MSH5: variants seen among roughly 807,000 people sequenced by gnomAD.
MSH5 encodes mutS homolog 5.
Under a neutral mutation model 107.7 loss-of-function variants are expected in MSH5, and 78 were observed. The observed-to-expected ratio is 0.72, with a 90% CI of 0.60 to 0.87. MSH5 has a LOEUF of 0.87. MSH5 is among the 40% of genes least tolerant of loss of function. MSH5 has a pLI of 0.00. For missense variants in MSH5, 889 were observed against 1,046.6 expected (o/e 0.85, Z 2.08); for synonymous variants, 326 against 399.5 (o/e 0.82, Z 2.19).
intron 12 of MSH5, among the ~76,000 whole-genome samples, chr6:31,755,081 T>C: frequency 6.6e-6 from 1 of 152,140 alleles, no homozygotes; most frequent in East Asian, 1.9e-4. Context: ...TAAAAGAAAA[T>C]TATTTTTTAA....
At position 31,753,362 on chromosome 6, in the gene MSH5, C is replaced by G. The variant is rs1810138441; in HGVS notation, c.874C>G (p.Gln292Glu). The stretch of plus-strand genomic sequence containing the variant: ...GCTCAGTTCTCGTCTGGACGTCATT[C>G]AGTTTTTTCTGCTGCCCCAGAATCT... The part of the protein sequence containing the change: ...GELSSRLDVI[Q>E]FFLLPQNLDM... Residue 292 changes from glutamine to glutamate, a missense_variant, in exon 11 of 25, where the codon CAG becomes GAG. Coordinates refer to ENST00000375750, the MANE Select transcript of MSH5 (RefSeq NM_172166.4). 1.9e-6 allele frequency: 3 copies of G among 1,614,158 alleles called. No individual in the cohort carries two copies. The highest frequency in any genetic ancestry group is 1.7e-6 in the Non-Finnish European group (2 of 1,180,036).
At chr6:31,741,528 GC>G (rs1247189657) in intron 3 of MSH5, among the ~76,000 whole-genome samples, 2 of 152,068 alleles carry the variant, frequency 1.3e-5, no homozygotes, top group African/African-American at 4.8e-5. Flanking sequence ...ACAGGCGTGT[GC>G]CACCACACCC....
chr6:31,761,127 G>A lies in MSH5; in HGVS notation c.1963-61G>A. The A allele has an allele frequency of 1.3e-6, 2 of 1,518,530 alleles. No individual in the cohort carries two copies. The highest frequency in any genetic ancestry group is 1.8e-6 in the Non-Finnish European group (2 of 1,104,670). The allele number at this position is 1,518,530 out of a possible 1,614,324, so 94.1% of individuals were successfully genotyped here. On this transcript the variant is annotated intron_variant, in intron 20 of 24. Coordinates refer to ENST00000375750, the MANE Select transcript of MSH5 (RefSeq NM_172166.4). This position sits in a 1 kb window ranked among gnomAD's most constrained non-coding sequence, Gnocchi z 5.3. The stretch of plus-strand genomic sequence containing the variant: ...ATACAGCTTTATTCACAGGCCAACT[G>A]TGGTCAGTGCGTTACGGGCTTCCAA...
chr6:31,740,359 G>A lies in MSH5; in HGVS notation c.-13-95G>A. The A allele has an allele frequency of 7.5e-7, 1 of 1,334,172 alleles. No homozygotes were observed. The highest frequency in any genetic ancestry group is 1.0e-6 in the Non-Finnish European group (1 of 983,170). The allele number at this position is 1,334,172 out of a possible 1,614,324, so 82.6% of individuals were successfully genotyped here. ...AGCCCTGCCCCGCAGCCCTGTAGCA[G>A]AAGTACTTAGTGCTTTGCATTCTGC... On this transcript the variant is annotated intron_variant, in intron 1 of 24. Coordinates refer to ENST00000375750, the MANE Select transcript of MSH5 (RefSeq NM_172166.4). This position sits in a 1 kb window ranked among gnomAD's most constrained non-coding sequence, Gnocchi z 4.4.
At chr6:31,755,846 C>A (rs758375660) in intron 12 of MSH5, among the ~76,000 whole-genome samples, 1 of 152,042 alleles carries the variant, frequency 6.6e-6, no homozygotes, top group Non-Finnish European at 1.5e-5. Context: ...TCTATCTTTT[C>A]TCTCTTGTTC....
rs759586357 is a variant in MSH5, at chr6:31,759,829, G to A, written c.1539G>A (p.Leu513=). The A allele has an allele frequency of 1.9e-6, 3 of 1,613,904 alleles. No individual in the cohort carries two copies. Among genetic ancestry groups the A allele is most frequent in the East Asian group, 4.5e-5 (2 of 44,892 alleles). ...LLMYQLQCQV[L]ARAAVLTRVL... is the part of the protein sequence containing the mutation. The stretch of plus-strand genomic sequence containing the variant: ...TGTACCAGCTACAGTGCCAGGTGCT[G>A]GCACGAGCAGCTGTCTTAACCCGAG... The change falls in exon 18 of 25, where the codon CTG becomes CTA. Residue 513 remains leucine, a synonymous_variant. Coordinates refer to ENST00000375750, the MANE Select transcript of MSH5 (RefSeq NM_172166.4). This position sits in a 1 kb window ranked among gnomAD's most constrained non-coding sequence, Gnocchi z 4.7.
chr6:31,757,843 T>C lies in MSH5; in HGVS notation c.1015-322T>C, dbSNP rs1581554057. 12 of 404,824 alleles carry C rather than the reference T, an allele frequency of 3.0e-5. No homozygotes were observed. In the East Asian group the frequency reaches 4.9e-4, roughly 16 times the overall value. 25.1% of individuals were successfully genotyped at this position (404,824 alleles called of 1,614,324 possible). On this transcript the variant is annotated intron_variant, in intron 12 of 24. Transcript: ENST00000375750. The stretch of plus-strand genomic sequence containing the variant: ...TGCCACCAAGCCCAGTTAATTTTTG[T>C]ATTTTGAGTAGAGACAGGGTTTCAC...
chr6:31,758,271 T>C lies in MSH5; in HGVS notation c.1121T>C (p.Ile374Thr). 1 of 1,612,896 alleles carries C rather than the reference T, an allele frequency of 6.2e-7. No homozygotes were observed. The highest frequency in any genetic ancestry group is 8.5e-7 in the Non-Finnish European group (1 of 1,180,006). The change falls in exon 13 of 25, where the codon ATC (isoleucine) becomes ACC (threonine). Residue 374 changes from isoleucine (I) to threonine (T), a missense_variant. This residue lies in a region of MSH5 where 518 missense variants were observed against 565.0 expected (regional missense o/e 0.92). Transcript: ENST00000375750. The surrounding 1 kb of genome is among the most constrained non-coding windows in gnomAD (Gnocchi z 5.1). ...GAGTTCTCTGATGACCTGCACCATA[T>C]CGCCAGCCTCATTGGGAAAGTAGTG... ...AQEFSDDLHHIASLIGKVVDF... is the reference protein window; with the variant it reads ...AQEFSDDLHHTASLIGKVVDF...
intron 24 of MSH5, 117 bp downstream of exon 24, chr6:31,762,302 T>C: frequency 7.2e-7 from 1 of 1,387,160 alleles, no homozygotes; most frequent in East Asian, 2.3e-5. Flanking sequence ...CCACCATTTC[T>C]TTCTGAAATC....
chr6:31,743,371 G>A (rs751358505), intron 5 of MSH5: 4 of 624,176 alleles, frequency 6.4e-6, no homozygotes, highest in Non-Finnish European at 1.1e-5. Flanking sequence ...GGAAGCCTCT[G>A]CTTAAGTCAT....
chr6:31,740,744 T>C lies in MSH5; in HGVS notation c.147+131T>C. On this transcript the variant is annotated intron_variant, in intron 2 of 24. Transcript: ENST00000375750. This position sits in a 1 kb window ranked among gnomAD's most constrained non-coding sequence, Gnocchi z 4.4. ...GGGAGACTGAGGCGGGCGGATCACC[T>C]GAGCTCAGGAGTTGGAGACCAGCCT... The C allele has an allele frequency of 2.8e-6, 3 of 1,065,498 alleles. No homozygotes were observed. Among genetic ancestry groups the C allele is most frequent in the Non-Finnish European group, 3.8e-6 (3 of 788,332 alleles). 66.0% of individuals were successfully genotyped at this position (1,065,498 alleles called of 1,614,324 possible).
chr6:31,761,866 G>A lies in MSH5; in HGVS notation c.2230G>A (p.Val744Ile). The A allele has an allele frequency of 6.2e-7, 1 of 1,613,048 alleles. No homozygotes were observed. Among genetic ancestry groups the A allele is most frequent in the South Asian group, 1.1e-5 (1 of 91,076 alleles). The part of the protein sequence containing the change: ...DGNDLVFFYQ[V>I]CEGVAKASHA... Reference sequence around the variant, plus strand: ...CAACGATCTTGTCTTCTTCTATCAGGTTTGCGAAGGTGTTGCGAAGGCCAG... The same window carrying A: ...CAACGATCTTGTCTTCTTCTATCAGATTTGCGAAGGTGTTGCGAAGGCCAG... The change falls in exon 23 of 25, where the codon GTT (valine) becomes ATT (isoleucine). Residue 744 changes from valine (V) to isoleucine (I), a missense_variant. This residue lies in a region of MSH5 where 362 missense variants were observed against 456.2 expected (regional missense o/e 0.79). Coordinates refer to ENST00000375750, the MANE Select transcript of MSH5 (RefSeq NM_172166.4). The surrounding 1 kb of genome is among the most constrained non-coding windows in gnomAD (Gnocchi z 5.3).
At chr6:31,752,503 C>T (rs1486256087) in intron 10 of MSH5, among the ~76,000 whole-genome samples, 2 of 152,102 alleles carry the variant, frequency 1.3e-5, no homozygotes, top group African/African-American at 2.4e-5. Flanking sequence ...GGGCAGATCA[C>T]GAGGTCAAGA....
chr6:31,746,893 G>A (rs781506189), intron 9 of MSH5, among the ~76,000 whole-genome samples: 13 of 152,130 alleles, frequency 8.5e-5, no homozygotes, highest in Non-Finnish European at 1.5e-4. Flanking sequence ...CGCGATCTCC[G>A]CTCACTGCAA....
rs375664869 is a variant in MSH5 at position 31,745,203 on chromosome 6, A to G, written c.684-34A>G. On this transcript the variant is annotated intron_variant, in intron 8 of 24. Coordinates refer to ENST00000375750, the MANE Select transcript of MSH5 (RefSeq NM_172166.4). Reference sequence around the variant, plus strand: ...AATTCTTATTCCCTTCAAAAGTCCAAGTTACCCCAAACTCCTCCATTTCTC... The same window carrying G: ...AATTCTTATTCCCTTCAAAAGTCCAGGTTACCCCAAACTCCTCCATTTCTC... 1.1e-5 allele frequency: 15 copies of G among 1,401,060 alleles called. No individual in the cohort carries two copies. In the African/African-American group the frequency reaches 1.4e-4, roughly 13 times the overall value. 86.8% of individuals were successfully genotyped at this position (1,401,060 alleles called of 1,614,324 possible). A position where few individuals can be genotyped will look rare whatever the true frequency, so the allele number is the denominator to read the frequency against.
At chr6:31,753,771 C>A (rs1810190784) in intron 12 of MSH5, 142 bp downstream of exon 12, 9 of 786,640 alleles carry the variant, frequency 1.1e-5, no homozygotes, top group Non-Finnish European at 1.9e-5. Context: ...CTCTGTCGCC[C>A]AGGCTGAAGT....
Position 31,760,305 on chromosome 6 carries a change from T to G in MSH5, c.1812+89T>G. The G allele has an allele frequency of 8.1e-6, 12 of 1,477,228 alleles. No individual in the cohort carries two copies. Among genetic ancestry groups the G allele is most frequent in the Non-Finnish European group, 9.9e-6 (11 of 1,107,436 alleles). The allele number at this position is 1,477,228 out of a possible 1,614,324, so 91.5% of individuals were successfully genotyped here. On this transcript the variant is annotated intron_variant, in intron 19 of 24. Coordinates refer to ENST00000375750, the MANE Select transcript of MSH5 (RefSeq NM_172166.4). The surrounding 1 kb of genome is among the most constrained non-coding windows in gnomAD (Gnocchi z 5.6). ...CAGCCAACTCAGGCTCCTGCAGCTCTTCTCCCATTTTCTGACCCCGCTCTT... is the reference window on the plus strand; with the variant it reads ...CAGCCAACTCAGGCTCCTGCAGCTCGTCTCCCATTTTCTGACCCCGCTCTT...
chr6:31,741,625 G>C (rs183751298), intron 3 of MSH5, among the ~76,000 whole-genome samples: 1 of 151,964 alleles, frequency 6.6e-6, no homozygotes, highest in Admixed American at 6.6e-5. Context: ...CTTGTGATCC[G>C]CCCACCTTGG....
At chr6:31,742,758 T>C in intron 3 of MSH5, 119 bp from the exon 4 acceptor site, 4 of 924,610 alleles carry the variant, frequency 4.3e-6, no homozygotes, top group Non-Finnish European at 1.7e-6. Context: ...GAGCACTCCC[T>C]ACTCCTAGGG....
Sources: gnomAD v4.1 joint callset for allele counts (sites outside exome capture counted in the v4.1 genomes callset) on GRCh38, gnomAD v4.1.1 for gene constraint, gnomAD v4.1.1 regional missense constraint, Gnocchi (gnomAD v3.1) non-coding constraint, MANE v1.5 for transcripts, NCBI Gene and HGNC (gene_info 2026-07-23, HGNC 2026-07-21) for gene names.